Variants in GLS observed in about 807,000 individuals in gnomAD.
The protein encoded by GLS is glutaminase.
A neutral mutation model predicts 86.7 loss-of-function variants in GLS; 36 were observed. The ratio of observed to expected loss-of-function variants is 0.42; its 90% confidence interval spans 0.32 to 0.55. The LOEUF is 0.55. Ranked by LOEUF, GLS falls within the 20% of genes least tolerant of loss-of-function variation. The pLI, the probability that GLS is intolerant of heterozygous loss-of-function variation, is 0.17. For missense variants in GLS, 528 were observed against 833.4 expected (o/e 0.63, Z 4.51); for synonymous variants, 317 against 305.9 (o/e 1.04, Z -0.38).
rs919264007 is a variant in GLS, at chr2:190,953,762, A to G, written c.1712+136A>G. 5 of 652,038 alleles carry G rather than the reference A, an allele frequency of 7.7e-6. No homozygotes were observed. Among genetic ancestry groups the G allele is most frequent in the Admixed American group, 2.3e-5 (1 of 43,264 alleles). The allele number at this position is 652,038 out of a possible 1,614,324, so 40.4% of individuals were successfully genotyped here. On this transcript the variant is annotated intron_variant, in intron 15 of 17. Coordinates refer to ENST00000320717, the MANE Select transcript of GLS (RefSeq NM_014905.5). The surrounding 1 kb of genome is among the most constrained non-coding windows in gnomAD (Gnocchi z 4.0). ...ATGACCCCAACAAAATTTTTATTAA[A>G]TAGGCACTTCCAGTGCCTTAGGCCT...
At chr2:190,932,637 T>G (rs1221415348) in intron 14 of GLS, 1 of 1,116,436 alleles carries the variant, frequency 9.0e-7, no homozygotes, top group Non-Finnish European at 1.2e-6. Context: ...TAATGCTCAT[T>G]GAAAAATACC....
intron 4 of GLS, among the ~76,000 whole-genome samples, chr2:190,901,029 T>A (rs1688922490): frequency 6.6e-6 from 1 of 152,138 alleles, no homozygotes; most frequent in Non-Finnish European, 1.5e-5. Context: ...GTTTTTAAAA[T>A]CCTGTAAATA....
At chr2:190,904,679 T>A (rs1359782190) in intron 5 of GLS, among the ~76,000 whole-genome samples, 2 of 152,156 alleles carry the variant, frequency 1.3e-5, no homozygotes, top group East Asian at 3.8e-4. Context: ...GCATTTACAT[T>A]GTATTTGGTA....
chr2:190,932,737 T>C, intron 14 of GLS: 1 of 1,601,270 alleles, frequency 6.2e-7, no homozygotes. Context: ...ACCATTGGAC[T>C]ATGAAAGTCT....
At chr2:190,919,213 G>T (rs186596000) in intron 7 of GLS, among the ~76,000 whole-genome samples, 6 of 152,210 alleles carry the variant, frequency 3.9e-5, no homozygotes, top group African/African-American at 1.4e-4. Flanking sequence ...TACATAATCT[G>T]TCTAGAGAAT....
chr2:190,957,131 G>T (rs1008381803), intron 17 of GLS, among the ~76,000 whole-genome samples: 4 of 152,200 alleles, frequency 2.6e-5, no homozygotes, highest in South Asian at 4.1e-4. Context: ...CGCTCTGTCA[G>T]CCAGGCTGGA....
intron 1 of GLS, among the ~76,000 whole-genome samples, chr2:190,893,541 A>G (rs968801492): frequency 2.6e-5 from 4 of 152,210 alleles, no homozygotes; most frequent in Non-Finnish European, 5.9e-5. Context: ...TGTGTAGAAT[A>G]TAAGTAAGTG....
At chr2:190,884,528 G>A (rs1386959466) in intron 1 of GLS, among the ~76,000 whole-genome samples, 1 of 152,174 alleles carries the variant, frequency 6.6e-6, no homozygotes, top group Non-Finnish European at 1.5e-5. Context: ...TGCCCATATG[G>A]ACATTTTTAT....
At chr2:190,911,725 A>G (rs933918215) in intron 7 of GLS, among the ~76,000 whole-genome samples, 1 of 152,098 alleles carries the variant, frequency 6.6e-6, no homozygotes, top group Non-Finnish European at 1.5e-5. Flanking sequence ...ACATACTATA[A>G]TGTATGTGTT....
chr2:190,942,995 G>C (rs1690485259), intron 14 of GLS, among the ~76,000 whole-genome samples: 1 of 152,146 alleles, frequency 6.6e-6, no homozygotes. Flanking sequence ...AAAGAAAAGA[G>C]TGATATCTAA....
chr2:190,893,019 C>A (rs780989917), intron 1 of GLS, among the ~76,000 whole-genome samples: 21 of 152,114 alleles, frequency 1.4e-4, no homozygotes, highest in Admixed American at 2.6e-4. Context: ...GTGATAAATA[C>A]ATAGAAAGCT....
chr2:190,932,690 A>G (rs775754847), intron 14 of GLS: 6 of 1,554,374 alleles, frequency 3.9e-6, no homozygotes, highest in East Asian at 2.3e-5. Context: ...GCACTAATAA[A>G]TTATGTATGT....
chr2:190,886,060 A>G (rs1559313183), intron 1 of GLS, among the ~76,000 whole-genome samples: 1 of 151,902 alleles, frequency 6.6e-6, no homozygotes, highest in African/African-American at 2.4e-5. Flanking sequence ...TTTTAGTAAG[A>G]TGGGAATTTA....
At chr2:190,960,772 G>C (rs1690982191) in intron 17 of GLS, among the ~76,000 whole-genome samples, 1 of 152,136 alleles carries the variant, frequency 6.6e-6, no homozygotes, top group East Asian at 1.9e-4. Flanking sequence ...ACAAATGTTA[G>C]CAATTTTGTA....
chr2:190,927,818 C>A, intron 12 of GLS: 1 of 166,826 alleles, frequency 6.0e-6, no homozygotes, highest in South Asian at 1.6e-4. Flanking sequence ...AGAAAGATTG[C>A]AAAGATGTGA....
intron 1 of GLS, among the ~76,000 whole-genome samples, chr2:190,891,641 G>C (rs1328124544): frequency 6.6e-6 from 1 of 152,066 alleles, no homozygotes; most frequent in African/African-American, 2.4e-5. Flanking sequence ...AACTAATTTG[G>C]TCAGTGGGGT....
chr2:190,950,610 G>C (rs888219687), intron 14 of GLS, among the ~76,000 whole-genome samples: 1 of 152,184 alleles, frequency 6.6e-6, no homozygotes, highest in Admixed American at 6.5e-5. Flanking sequence ...GCACCACTGG[G>C]TAAAGAAGCT....
chr2:190,928,996 T>C (rs1194401837), intron 12 of GLS, among the ~76,000 whole-genome samples: 2 of 150,726 alleles, frequency 1.3e-5, no homozygotes, highest in South Asian at 2.1e-4. Flanking sequence ...TATTTATTTA[T>C]TTATTTTGAG....
At position 190,914,720 on chromosome 2, in the gene GLS, T is replaced by C. The variant is rs1689470625; in HGVS notation, c.1038+4399T>C. On this transcript the variant is annotated intron_variant, in intron 7 of 17. Coordinates refer to ENST00000320717, the MANE Select transcript of GLS (RefSeq NM_014905.5). This position sits in a 1 kb window ranked among gnomAD's most constrained non-coding sequence, Gnocchi z 4.4. ...GCACCTCCATACTTTATGAATGGAA[T>C]CAAGTGCGATACTTACAAAATAACT... 6.6e-6 allele frequency among the ~76,000 whole-genome samples: 1 copy of C among 152,156 alleles called. No individual in the cohort carries two copies. Among genetic ancestry groups the C allele is most frequent in the African/African-American group, 2.4e-5 (1 of 41,434 alleles).
Sources: allele counts gnomAD v4.1 joint callset (sites outside exome capture counted in the v4.1 genomes callset), GRCh38; gene constraint gnomAD v4.1.1; non-coding constraint Gnocchi (gnomAD v3.1); transcripts MANE v1.5; gene names NCBI Gene and HGNC (gene_info 2026-07-23, HGNC 2026-07-21).